Variants in TBC1D23 observed in about 807,000 individuals in gnomAD.
TBC1D23 encodes the protein TBC1 domain family member 23, also known as HCV non-structural protein 4A-transactivated protein 1.
A neutral mutation model predicts 91.4 loss-of-function variants in TBC1D23; 55 were observed. That is an observed-to-expected ratio of 0.60 (90% confidence interval 0.48 to 0.75). The LOEUF is 0.75. TBC1D23 is among the 30% of genes least tolerant of loss of function. TBC1D23 has a pLI of 0.00. For synonymous variants in TBC1D23, 289 were observed against 281.0 expected, an observed-to-expected ratio of 1.03 and a Z score of -0.28; for missense variants, 725 against 836.1, an observed-to-expected ratio of 0.87 and a Z score of 1.64.
In TBC1D23 at chr3:100,324,339, A is replaced by G. The variant is rs1705916619; in HGVS notation, c.*671A>G. The G allele has an allele frequency of 6.6e-6, 1 of 152,218 alleles. No homozygotes were observed. The highest frequency in any genetic ancestry group is 6.5e-5 in the Admixed American group (1 of 15,288). 9.4% of individuals were successfully genotyped at this position (152,218 alleles called of 1,614,324 possible). On this transcript the variant is annotated 3_prime_UTR_variant, in exon 19 of 19. Transcript: ENST00000394144. Reference sequence around the variant, plus strand: ...AGAAACTTCATCCTAATGATTTCTAAAGAGCAGTTAAAAGCATTAAAATAA... The same window carrying G: ...AGAAACTTCATCCTAATGATTTCTAGAGAGCAGTTAAAAGCATTAAAATAA...
At chr3:100,267,269 T>C (rs2067564878) in intron 1 of TBC1D23, 1 of 440,252 alleles carries the variant, frequency 2.3e-6, no homozygotes, top group Non-Finnish European at 4.5e-6. Flanking sequence ...TCCATTAAGC[T>C]CATAAAATCA....
chr3:100,289,735 C>G (rs905148578), intron 4 of TBC1D23, among the ~76,000 whole-genome samples: 11 of 152,120 alleles, frequency 7.2e-5, no homozygotes, highest in Non-Finnish European at 1.5e-4. Flanking sequence ...CAAAATGCAT[C>G]TGTAGGTGCT....
intron 1 of TBC1D23, among the ~76,000 whole-genome samples, chr3:100,273,939 G>T (rs1049069713): frequency 2.6e-5 from 4 of 152,086 alleles, no homozygotes; most frequent in Admixed American, 2.6e-4. Flanking sequence ...TGTATTTTCA[G>T]TATGATTGAG....
intron 10 of TBC1D23, 57 bp from the exon 11 acceptor site, chr3:100,302,010 A>T: frequency 1.4e-6 from 2 of 1,412,782 alleles, no homozygotes; most frequent in Non-Finnish European, 1.9e-6. Context: ...TTTCAAATTT[A>T]CAAATATATG....
At chr3:100,301,966 G>T in intron 10 of TBC1D23, 101 bp from the exon 11 acceptor site, 20 of 750,526 alleles carry the variant, frequency 2.7e-5, no homozygotes, top group South Asian at 9.7e-5. Context: ...TTTCATTGTG[G>T]CTCTTTAAAT....
At chr3:100,308,225 C>G (rs1705549367) in intron 13 of TBC1D23, among the ~76,000 whole-genome samples, 1 of 152,196 alleles carries the variant, frequency 6.6e-6, no homozygotes, top group Admixed American at 6.5e-5. Context: ...CCTGTAATCC[C>G]AGTACTTTGG....
chr3:100,286,791 C>T (rs912129641), intron 4 of TBC1D23, among the ~76,000 whole-genome samples: 1 of 152,074 alleles, frequency 6.6e-6, no homozygotes, highest in Non-Finnish European at 1.5e-5. Flanking sequence ...CCACCACTCC[C>T]ACCCTAACAT....
intron 4 of TBC1D23, among the ~76,000 whole-genome samples, chr3:100,287,064 C>T (rs932127694): frequency 2.6e-5 from 4 of 152,174 alleles, no homozygotes; most frequent in Admixed American, 1.3e-4. Context: ...CCGCCCCCTT[C>T]GGCCTCCCAA....
intron 4 of TBC1D23, among the ~76,000 whole-genome samples, chr3:100,286,513 T>C (rs2067743332): frequency 6.6e-6 from 1 of 152,076 alleles, no homozygotes; most frequent in Non-Finnish European, 1.5e-5. Context: ...TTTTTTTTTT[T>C]TTGAGACAGA....
intron 5 of TBC1D23, among the ~76,000 whole-genome samples, chr3:100,292,328 T>C (rs2067799458): frequency 6.6e-6 from 1 of 152,194 alleles, no homozygotes; most frequent in Non-Finnish European, 1.5e-5. Flanking sequence ...TATGTTCATA[T>C]CCTTTTATTA....
chr3:100,311,750 A>C, intron 14 of TBC1D23, 83 bp from the exon 15 acceptor site: 1 of 933,342 alleles, frequency 1.1e-6, no homozygotes, highest in Non-Finnish European at 1.7e-6. Flanking sequence ...AGAAAAACTA[A>C]ACTGTACCAT....
At chr3:100,276,896 A>G (rs910359790) in intron 1 of TBC1D23, among the ~76,000 whole-genome samples, 1 of 152,150 alleles carries the variant, frequency 6.6e-6, no homozygotes, top group Non-Finnish European at 1.5e-5. Flanking sequence ...GACCTTTCTG[A>G]GCAAAGGAGA....
chr3:100,274,505 A>G (rs2067628648), intron 1 of TBC1D23, among the ~76,000 whole-genome samples: 3 of 152,176 alleles, frequency 2.0e-5, no homozygotes, highest in South Asian at 4.1e-4. Context: ...TGTTGTGCAT[A>G]TAATCTCTAG....
intron 5 of TBC1D23, among the ~76,000 whole-genome samples, chr3:100,292,539 A>G (rs1177170081): frequency 6.6e-6 from 1 of 152,202 alleles, no homozygotes; most frequent in Non-Finnish European, 1.5e-5. Context: ...TTCTGGGCTC[A>G]TTAAATCTCA....
intron 3 of TBC1D23, among the ~76,000 whole-genome samples, 191 bp downstream of exon 3, chr3:100,282,038 G>A (rs1360958726): frequency 1.3e-5 from 2 of 152,174 alleles, no homozygotes; most frequent in African/African-American, 4.8e-5. Context: ...TTGACTGGGT[G>A]CAGTGACTCA....
At position 100,306,526 on chromosome 3, in the gene TBC1D23, A is replaced by G. The variant is rs753319994; in HGVS notation, c.1396A>G (p.Ser466Gly). 1 of 1,602,504 alleles carries G rather than the reference A, an allele frequency of 6.2e-7. No individual in the cohort carries two copies. Among genetic ancestry groups the G allele is most frequent in the East Asian group, 2.2e-5 (1 of 44,798 alleles). Residue 466 changes from serine to glycine, a missense_variant, in exon 13 of 19, where the codon AGT (serine) becomes GGT (glycine). Coordinates refer to ENST00000394144, the MANE Select transcript of TBC1D23 (RefSeq NM_001199198.3). ...TGCTAGTACCTCAGGCTCAAGGAGC[A>G]GTATCAATTCTGTTGATGTAAGTAT... is the stretch of plus-strand genomic sequence containing the variant. ...WIASTSGSRS[S>G]INSVDGESPN...
intron 15 of TBC1D23, among the ~76,000 whole-genome samples, chr3:100,314,734 C>T (rs542746843): frequency 2.6e-5 from 4 of 152,268 alleles, no homozygotes; most frequent in South Asian, 4.1e-4. Context: ...GCTAAGATTG[C>T]GCCACTGTAC....
chr3:100,261,257 C>CT lies in TBC1D23; in HGVS notation c.53+187dup, dbSNP rs1421728052. Reference sequence around the variant, plus strand: ...TGCCTGCCTGGTTCTGCCCAAGGGACTGGGGCGGGACTCCCAAGGAGAGGG... The same window carrying CT: ...TGCCTGCCTGGTTCTGCCCAAGGGACTTGGGGCGGGACTCCCAAGGAGAGGG... On this transcript the variant is annotated intron_variant, in intron 1 of 18. Coordinates refer to ENST00000394144, the MANE Select transcript of TBC1D23 (RefSeq NM_001199198.3). The CT allele has an allele frequency of 1.8e-5, 11 of 607,690 alleles. No individual in the cohort carries two copies. In the Admixed American group the frequency reaches 3.2e-4, roughly 18 times the overall value. 37.6% of individuals were successfully genotyped at this position (607,690 alleles called of 1,614,324 possible). A position where few individuals can be genotyped will look rare whatever the true frequency, so the allele number is the denominator to read the frequency against.
At chr3:100,267,326 T>C in intron 1 of TBC1D23, 1 of 388,752 alleles carries the variant, frequency 2.6e-6, no homozygotes, top group Middle Eastern at 8.4e-4. Flanking sequence ...CTTAAACCTA[T>C]TTTCTGAAAT....
Sources: allele counts gnomAD v4.1 joint callset (sites outside exome capture counted in the v4.1 genomes callset), GRCh38; gene constraint gnomAD v4.1.1; transcripts MANE v1.5; gene names NCBI Gene and HGNC (gene_info 2026-07-23, HGNC 2026-07-21).